The following TLL1 variants were observed in gnomAD, a reference collection of about 807,000 sequenced individuals.
TLL1 encodes the protein tolloid like 1, also known as tolloid-like protein 1.
TLL1 carries 49 observed loss-of-function variants against 128.2 expected under a neutral mutation model. The ratio of observed to expected loss-of-function variants is 0.38; its 90% CI spans 0.30 to 0.48. The LOEUF is 0.48. TLL1 is among the 20% of genes least tolerant of loss of function. The pLI is 0.96. For synonymous variants in TLL1, 454 were observed against 418.8 expected (o/e 1.08, Z -1.03); for missense variants, 1,123 against 1,242.0 (o/e 0.90, Z 1.44).
chr4:166,054,961 A>G (rs1739933886), intron 12 of TLL1, 115 bp from the exon 13 acceptor site: 1 of 795,902 alleles, frequency 1.3e-6, no homozygotes, highest in Non-Finnish European at 1.9e-6. Flanking sequence ...CTCATTTGAT[A>G]CAAATAACTT....
chr4:166,063,427 G>T (rs563882659), intron 15 of TLL1, among the ~76,000 whole-genome samples: 1 of 152,300 alleles, frequency 6.6e-6, no homozygotes, highest in Admixed American at 6.5e-5. Flanking sequence ...GTGGAAGACA[G>T]TGTGACGATT....
intron 16 of TLL1, among the ~76,000 whole-genome samples, chr4:166,069,051 TATAAA>T (rs1283201767): frequency 2.6e-5 from 4 of 151,696 alleles, no homozygotes; most frequent in African/African-American, 9.7e-5. Flanking sequence ...TAAAAATAAA[TATAAA>T]AGAAAAAACT....
intron 1 of TLL1, among the ~76,000 whole-genome samples, chr4:165,976,034 CAA>C (rs1169297533): frequency 7.8e-3 from 563 of 72,056 alleles, no homozygotes; most frequent in African/African-American, 0.026. Context: ...GATTCCATCT[CAA>C]AAAAAAAAAA....
At chr4:165,878,916 C>T (rs1730841590) in intron 1 of TLL1, among the ~76,000 whole-genome samples, 2 of 123,926 alleles carry the variant, frequency 1.6e-5, no homozygotes, top group Admixed American at 1.0e-4. Flanking sequence ...CTGATGATGG[C>T]TTCCTTTTTT....
intron 1 of TLL1, among the ~76,000 whole-genome samples, chr4:165,969,124 G>A (rs1028017292): frequency 6.6e-6 from 1 of 152,112 alleles, no homozygotes; most frequent in Non-Finnish European, 1.5e-5. Context: ...TTTCCAACAT[G>A]TTATGAGAGA....
chr4:165,948,304 G>A (rs1411972699), intron 1 of TLL1, among the ~76,000 whole-genome samples: 1 of 152,030 alleles, frequency 6.6e-6, no homozygotes, highest in African/African-American at 2.4e-5. Context: ...ATTGTTCCCA[G>A]GAGTTATACC....
intron 9 of TLL1, among the ~76,000 whole-genome samples, chr4:166,033,513 A>C (rs2111081976): frequency 6.6e-6 from 1 of 152,296 alleles, no homozygotes; most frequent in South Asian, 2.1e-4. Flanking sequence ...AGCAATAAGC[A>C]TATGTTATTT....
chr4:166,099,585 G>T, intron 20 of TLL1, 58 bp downstream of exon 20: 5 of 1,478,886 alleles, frequency 3.4e-6, no homozygotes, highest in South Asian at 1.1e-5. Context: ...ATTGATTCAT[G>T]ATTGATATGT....
chr4:165,899,284 T>C (rs1295802930), intron 1 of TLL1, among the ~76,000 whole-genome samples: 4 of 152,188 alleles, frequency 2.6e-5, no homozygotes, highest in African/African-American at 9.6e-5. Flanking sequence ...TGTTTGCTCT[T>C]ACTTCTTTAG....
chr4:166,059,341 T>C (rs1000400204), intron 14 of TLL1, among the ~76,000 whole-genome samples: 13 of 152,128 alleles, frequency 8.5e-5, no homozygotes, highest in African/African-American at 3.1e-4. Context: ...TGCTTTTGGA[T>C]ACCATGATTT....
intron 18 of TLL1, among the ~76,000 whole-genome samples, chr4:166,083,617 A>G (rs113255426): frequency 0.064 from 7,858 of 122,914 alleles, 1,924 homozygotes; most frequent in South Asian, 0.089. Flanking sequence ...TTTAGATTCC[A>G]CATGTAAGTG....
chr4:165,977,832 C>G (rs953788416), intron 1 of TLL1, among the ~76,000 whole-genome samples: 1 of 152,088 alleles, frequency 6.6e-6, no homozygotes, highest in Non-Finnish European at 1.5e-5. Context: ...ATTCCCAAAA[C>G]GTAAATACAA....
rs561852217 is a variant in TLL1, at chr4:165,920,637, G to A, written c.169+46564G>A. 1.6e-4 allele frequency among the ~76,000 whole-genome samples: 24 copies of A among 152,184 alleles called. No individual in the cohort carries two copies. The South Asian group carries it at 3.9e-3, about 25-fold the overall frequency. Reference sequence around the variant, plus strand: ...GGAATTTTCATTAAAAACCGAGATAGGTGAGAAAGTGATGAAAGAATAGAA... The same window carrying A: ...GGAATTTTCATTAAAAACCGAGATAAGTGAGAAAGTGATGAAAGAATAGAA... On this transcript the variant is annotated intron_variant, in intron 1 of 20. Transcript: ENST00000061240.
At chr4:165,992,906 C>A (rs1736711690) in intron 3 of TLL1, 22 bp downstream of exon 3, 1 of 1,584,782 alleles carries the variant, frequency 6.3e-7, no homozygotes, top group Non-Finnish European at 8.7e-7. Context: ...TTTAAAGTTG[C>A]AGACGCTTGA....
intron 6 of TLL1, 118 bp downstream of exon 6, chr4:166,003,687 T>A: frequency 9.4e-7 from 1 of 1,068,052 alleles, no homozygotes; most frequent in Non-Finnish European, 1.4e-6. Context: ...TATGATAGAG[T>A]AACATTTTGC....
At chr4:166,035,328 A>G (rs777606496) in intron 9 of TLL1, among the ~76,000 whole-genome samples, 23 of 152,184 alleles carry the variant, frequency 1.5e-4, no homozygotes, top group African/African-American at 3.4e-4. Context: ...CTTATTTTAT[A>G]TATTTTTTCA....
intron 9 of TLL1, among the ~76,000 whole-genome samples, chr4:166,031,925 A>G (rs1363745371): frequency 6.6e-6 from 1 of 152,132 alleles, no homozygotes; most frequent in Non-Finnish European, 1.5e-5. Flanking sequence ...AAGCTTCTCT[A>G]ATCTTCTCAG....
chr4:166,056,914 A>G (rs1318366904), intron 13 of TLL1, among the ~76,000 whole-genome samples: 1 of 152,146 alleles, frequency 6.6e-6, no homozygotes, highest in Non-Finnish European at 1.5e-5. Context: ...AAGCAATGGA[A>G]GAAATGAATT....
At chr4:165,988,997 T>A (rs1274704875) in intron 1 of TLL1, among the ~76,000 whole-genome samples, 1 of 152,148 alleles carries the variant, frequency 6.6e-6, no homozygotes, top group African/African-American at 2.4e-5. Context: ...TCCTTTTTCC[T>A]CTCAGTGAAG....
Sources: gnomAD v4.1 joint callset for allele counts (sites outside exome capture counted in the v4.1 genomes callset) on GRCh38, gnomAD v4.1.1 for gene constraint, MANE v1.5 for transcripts, NCBI Gene and HGNC (gene_info 2026-07-23, HGNC 2026-07-21) for gene names.